The following KLC4 variants were observed in gnomAD, a reference collection of about 807,000 sequenced individuals.
The protein encoded by KLC4 is kinesin light chain 4.
A neutral mutation model predicts 77.2 loss-of-function variants in KLC4; 49 were observed. The observed-to-expected ratio is 0.63, with a 90% CI of 0.50 to 0.80. The LOEUF is 0.80. Among genes scored for constraint, KLC4 ranks in the 30% least tolerant of loss-of-function variants. The pLI is 0.00. For synonymous variants in KLC4, 274 were observed against 314.5 expected, an observed-to-expected ratio of 0.87 and a Z score of 1.36; for missense variants, 669 against 793.5, an observed-to-expected ratio of 0.84 and a Z score of 1.89.
chr6:43,059,915 GC>G, intron 1 of KLC4: 1 of 1,265,392 alleles, frequency 7.9e-7, no homozygotes, highest in Non-Finnish European at 1.0e-6. Context: ...GGGTCGTTAG[GC>G]CTCCACGTCC....
chr6:43,070,842 G>A lies in KLC4; in HGVS notation c.1132G>A (p.Val378Ile), dbSNP rs1765682446. 1.3e-6 allele frequency: 2 copies of A among 1,579,030 alleles called. No homozygotes were observed. The highest frequency in any genetic ancestry group is 1.7e-6 in the Non-Finnish European group (2 of 1,159,798). ...EGQLGPDNPN[V>I]ARTKNNLASC... is the part of the protein sequence containing the mutation. ...GCAGCTGGGGCCGGACAACCCTAATGTAGCCCGGACCAAGAACAACCTGGT... is the reference window on the plus strand; with the variant it reads ...GCAGCTGGGGCCGGACAACCCTAATATAGCCCGGACCAAGAACAACCTGGT... The change falls in exon 8 of 16, where the codon GTA becomes ATA. Residue 378 changes from valine (V) to isoleucine (I), a missense_variant. Physicochemically the swap from Val to Ile is conservative, Grantham distance 29. Transcript: ENST00000347162.
chr6:43,066,170 A>C (rs941918601), intron 4 of KLC4, 136 bp from the exon 5 acceptor site: 9 of 725,658 alleles, frequency 1.2e-5, no homozygotes, highest in Non-Finnish European at 1.7e-5. Context: ...AAAGAATAGC[A>C]CTTGAGGCAG....
chr6:43,070,160 G>A (rs1325196480), intron 6 of KLC4, among the ~76,000 whole-genome samples, 194 bp from the exon 7 acceptor site: 2 of 151,372 alleles, frequency 1.3e-5, no homozygotes. Flanking sequence ...CCTAGAGGGC[G>A]ATACTGTCCC....
intron 12 of KLC4, 87 bp downstream of exon 12, chr6:43,072,342 A>G (rs1043315982): frequency 4.1e-6 from 4 of 986,414 alleles, no homozygotes; most frequent in African/African-American, 3.2e-5. Flanking sequence ...TCTCCTAAGA[A>G]TAAGCGGAAA....
Position 43,071,938 on chromosome 6 carries a change from A to C in KLC4, c.1379+16A>C. ...AAGTGAGCAGGTGAGCTGACAGTGA[A>C]AAGCCAGCTTGGCCTCCGATGCCCT... On this transcript the variant is annotated intron_variant, in intron 11 of 15. Coordinates refer to ENST00000347162, the MANE Select transcript of KLC4 (RefSeq NM_201521.3). 6.2e-7 allele frequency: 1 copy of C among 1,604,412 alleles called. No individual in the cohort carries two copies. The highest frequency in any genetic ancestry group is 1.3e-5 in the African/African-American group (1 of 74,970).
chr6:43,071,541 C>T, intron 9 of KLC4, 26 bp from the exon 10 acceptor site: 2 of 1,608,714 alleles, frequency 1.2e-6, no homozygotes, highest in Non-Finnish European at 1.7e-6. Context: ...CATCTCTAAC[C>T]TCCCCACCCC....
At chr6:43,060,576 C>A in intron 1 of KLC4, 1 of 1,223,088 alleles carries the variant, frequency 8.2e-7, no homozygotes, top group Non-Finnish European at 1.0e-6. Context: ...GGCCTGAGTG[C>A]CACAGCCAGG....
At chr6:43,059,988 TCA>T (rs2150348596) in intron 1 of KLC4, 1 of 1,327,338 alleles carries the variant, frequency 7.5e-7, no homozygotes, top group East Asian at 3.4e-5. Flanking sequence ...CCCGCCCATC[TCA>T]CTCTCCCAAC....
At chr6:43,073,416 C>T (rs149411734) in intron 14 of KLC4, 78 bp downstream of exon 14, 29,144 of 1,005,422 alleles carry the variant, frequency 0.029, 541 homozygotes, top group Non-Finnish European at 0.034. Context: ...TTTGGGAGGC[C>T]GAGGCGGGTG....
intron 14 of KLC4, 58 bp from the exon 15 acceptor site, chr6:43,073,844 C>T (rs1430450274): frequency 2.6e-6 from 4 of 1,517,632 alleles, no homozygotes; most frequent in Middle Eastern, 1.7e-4. Flanking sequence ...AGGCCCACAG[C>T]CTTAAGGCCA....
Position 43,062,911 on chromosome 6 carries a change from AC to A in KLC4, c.259-4del. On this transcript the variant is annotated splice_polypyrimidine_tract_variant and splice_region_variant and intron_variant, in intron 2 of 15. Coordinates refer to ENST00000347162, the MANE Select transcript of KLC4 (RefSeq NM_201521.3). The stretch of plus-strand genomic sequence containing the variant: ...AATCTGGAGCTCAGGGGATGTGCCC[AC>A]CTAGGTGATGCTGGCTCTAGCCAGC... 1 of 1,612,886 alleles carries A rather than the reference AC, an allele frequency of 6.2e-7. No individual in the cohort carries two copies. The highest frequency in any genetic ancestry group is 1.7e-5 in the Admixed American group (1 of 60,014).
At chr6:43,060,563 T>C (rs1765093622) in intron 1 of KLC4, 3 of 1,235,994 alleles carry the variant, frequency 2.4e-6, no homozygotes, top group South Asian at 3.1e-5. Context: ...TCTTCCGTGC[T>C]CTGGCCTGAG....
intron 6 of KLC4, 46 bp downstream of exon 6, chr6:43,067,129 CATTG>C: frequency 6.2e-7 from 1 of 1,600,938 alleles, no homozygotes; most frequent in Non-Finnish European, 8.5e-7. Flanking sequence ...CACCCCCCAC[CATTG>C]CTGTTTTGGC....
chr6:43,072,109 C>A, intron 11 of KLC4, 38 bp from the exon 12 acceptor site: 1 of 1,545,160 alleles, frequency 6.5e-7, no homozygotes, highest in South Asian at 1.1e-5. Context: ...TTTCTGAACT[C>A]ATTCTCTCTT....
chr6:43,060,013 GGCAGGT>G, intron 1 of KLC4: 1 of 1,425,524 alleles, frequency 7.0e-7, no homozygotes, highest in Non-Finnish European at 9.2e-7. Context: ...TGGGCACCAG[GGCAGGT>G]CGACAGCCCG....
intron 1 of KLC4, chr6:43,059,999 A>T: frequency 7.2e-7 from 1 of 1,388,256 alleles, no homozygotes; most frequent in Non-Finnish European, 9.4e-7. Context: ...CACTCTCCCA[A>T]CCCTGGGCAC....
chr6:43,063,227 C>A, intron 3 of KLC4, 80 bp downstream of exon 3: 1 of 1,097,374 alleles, frequency 9.1e-7, no homozygotes, highest in Non-Finnish European at 1.3e-6. Flanking sequence ...GCCCCATCAT[C>A]CTCAGGGTCC....
intron 14 of KLC4, 173 bp from the exon 15 acceptor site, chr6:43,073,729 G>C: frequency 3.2e-6 from 2 of 619,692 alleles, no homozygotes; most frequent in South Asian, 1.9e-5. Flanking sequence ...CTTGGCTCCT[G>C]ATCTCTGGAG....
At chr6:43,067,697 A>T (rs1282167797) in intron 6 of KLC4, among the ~76,000 whole-genome samples, 3 of 150,930 alleles carry the variant, frequency 2.0e-5, no homozygotes, top group African/African-American at 7.3e-5. Context: ...CGGGAGGCTA[A>T]GGCAGGAGAA....
Sources: allele counts gnomAD v4.1 joint callset (sites outside exome capture counted in the v4.1 genomes callset), GRCh38; gene constraint gnomAD v4.1.1; transcripts MANE v1.5; gene names NCBI Gene and HGNC (gene_info 2026-07-23, HGNC 2026-07-21).